The following GK5 variants were observed in gnomAD, a reference collection of about 807,000 sequenced individuals.
GK5 encodes the protein glycerol kinase 5, also known as ATP:glycerol 3-phosphotransferase 5.
Under a neutral mutation model 77.3 loss-of-function variants are expected in GK5, and 39 were observed. The ratio of observed to expected loss-of-function variants is 0.50; its 90% CI spans 0.39 to 0.66. The LOEUF is 0.66. Ranked by LOEUF, GK5 falls within the 30% of genes least tolerant of loss-of-function variation. The pLI, the probability that GK5 is intolerant of heterozygous loss-of-function variation, is 0.00. For synonymous variants in GK5, 211 were observed against 208.0 expected (o/e 1.01, Z -0.13); for missense variants, 487 against 633.8 (o/e 0.77, Z 2.49).
In GK5 at chr3:142,173,835, C is replaced by T. The variant is rs562426840; in HGVS notation, c.1144-1379G>A. Among the ~76,000 whole-genome samples, 3 of 152,306 alleles carry T rather than the reference C, an allele frequency of 2.0e-5. No homozygotes were observed. In the East Asian group the frequency reaches 5.8e-4, roughly 29 times the overall value. On this transcript the variant is annotated intron_variant, in intron 12 of 15. Transcript: ENST00000392993. The stretch of plus-strand genomic sequence containing the variant: ...ATGGTCATTTCAAGGACATCCAGCG[C>T]TGTCAGGAAATTATGATCCTCAGAA...
At chr3:142,218,229 CAAAA>C (rs769407213) in intron 1 of GK5, among the ~76,000 whole-genome samples, 1 of 80,404 alleles carries the variant, frequency 1.2e-5, no homozygotes, top group Non-Finnish European at 2.6e-5. Flanking sequence ...CATCCATATG[CAAAA>C]AAAAAAAAAA....
intron 5 of GK5, among the ~76,000 whole-genome samples, chr3:142,191,319 C>A (rs79229190): frequency 6.6e-6 from 1 of 151,664 alleles, no homozygotes. Flanking sequence ...TGAGCCACTG[C>A]GCCCGGCAAG....
At chr3:142,172,002 G>A (rs543306170) in intron 13 of GK5, among the ~76,000 whole-genome samples, 1 of 152,006 alleles carries the variant, frequency 6.6e-6, no homozygotes, top group South Asian at 2.1e-4. Context: ...CTCAATTTTG[G>A]GGTACAACAG....
At chr3:142,220,517 T>A (rs1371590841) in intron 1 of GK5, among the ~76,000 whole-genome samples, 1 of 152,192 alleles carries the variant, frequency 6.6e-6, no homozygotes, top group African/African-American at 2.4e-5. Flanking sequence ...CCTCACTGCC[T>A]GCTCAGATTA....
At chr3:142,205,794 G>C (rs1434636534) in intron 3 of GK5, among the ~76,000 whole-genome samples, 1 of 152,076 alleles carries the variant, frequency 6.6e-6, no homozygotes, top group African/African-American at 2.4e-5. Flanking sequence ...TATTTTACGT[G>C]TACAATTCAG....
At chr3:142,198,019 C>T (rs368181896) in intron 5 of GK5, among the ~76,000 whole-genome samples, 2 of 143,888 alleles carry the variant, frequency 1.4e-5, no homozygotes, top group Non-Finnish European at 3.0e-5. Flanking sequence ...GAGACTCTGT[C>T]TCAAAAAAAA....
In GK5 at chr3:142,182,957, A is replaced by C; in HGVS notation, c.909T>G (p.Ile303Met). Reference sequence around the variant, plus strand: ...TCTGTTGAAGGCTATTTCCAGTGTTAATATCCAAAAATGTCCCAGTTCCCA... The same window carrying C: ...TCTGTTGAAGGCTATTTCCAGTGTTCATATCCAAAAATGTCCCAGTTCCCA... Reference protein sequence around the residue: ...LTMGTGTFLDINTGNSLQQTT... With the variant: ...LTMGTGTFLDMNTGNSLQQTT... The change falls in exon 10 of 16, where the codon ATT (isoleucine) becomes ATG (methionine). Residue 303 changes from isoleucine (I) to methionine (M), a missense_variant. By Grantham distance (10) the Ile-to-Met change is conservative (BLOSUM62 1). This residue lies in a region of GK5 where 323 missense variants were observed against 437.4 expected (regional missense o/e 0.74). Transcript: ENST00000392993. 6.2e-7 allele frequency: 1 copy of C among 1,611,852 alleles called. No individual in the cohort carries two copies. The highest frequency in any genetic ancestry group is 8.5e-7 in the Non-Finnish European group (1 of 1,177,966).
At chr3:142,186,056 T>C in intron 8 of GK5, 67 bp from the exon 9 acceptor site, 1 of 1,369,818 alleles carries the variant, frequency 7.3e-7, no homozygotes, top group East Asian at 2.3e-5. Context: ...ACTCAGCAAA[T>C]TGTTTTTTTG....
chr3:142,180,848 T>C (rs915230296), intron 11 of GK5, among the ~76,000 whole-genome samples: 1 of 152,112 alleles, frequency 6.6e-6, no homozygotes, highest in Non-Finnish European at 1.5e-5. Flanking sequence ...TTATAAAGGT[T>C]TTTATGAACT....
At chr3:142,196,914 G>A (rs1039380861) in intron 5 of GK5, among the ~76,000 whole-genome samples, 6 of 152,160 alleles carry the variant, frequency 3.9e-5, no homozygotes, top group Admixed American at 2.0e-4. Context: ...AGGGTCAAGC[G>A]CGGTGGCTCT....
chr3:142,216,497 T>C (rs879553023), intron 1 of GK5, among the ~76,000 whole-genome samples: 22 of 152,190 alleles, frequency 1.4e-4, no homozygotes, highest in Admixed American at 3.3e-4. Flanking sequence ...TCCAATCAGA[T>C]GAGCGGTGAT....
chr3:142,208,895 A>G (rs2064149858), intron 3 of GK5, among the ~76,000 whole-genome samples: 1 of 152,234 alleles, frequency 6.6e-6, no homozygotes, highest in African/African-American at 2.4e-5. Flanking sequence ...CACGCCTGTA[A>G]TCCCAGCACT....
intron 9 of GK5, chr3:142,184,926 C>A (rs1208046597): frequency 1.0e-6 from 1 of 985,380 alleles, no homozygotes; most frequent in Non-Finnish European, 1.2e-6. Flanking sequence ...TTAATCTAAC[C>A]CTGCACCTAT....
chr3:142,190,996 T>G (rs574093402), intron 5 of GK5, among the ~76,000 whole-genome samples: 55 of 152,276 alleles, frequency 3.6e-4, no homozygotes, highest in South Asian at 2.1e-3. Context: ...TAAAGGTCAA[T>G]TCACAAAAAG....
At chr3:142,191,498 G>GT (rs541516793) in intron 5 of GK5, among the ~76,000 whole-genome samples, 1 of 151,904 alleles carries the variant, frequency 6.6e-6, no homozygotes, top group African/African-American at 2.4e-5. Flanking sequence ...GAGCTCAAGA[G>GT]TTTGAGGACA....
chr3:142,185,461 A>T (rs1293035115), intron 9 of GK5: 1 of 982,294 alleles, frequency 1.0e-6, no homozygotes, highest in African/African-American at 1.8e-5. Context: ...TTATTCTACA[A>T]ACTTATTTAC....
chr3:142,202,659 T>C (rs1288149589), intron 4 of GK5, among the ~76,000 whole-genome samples: 2 of 152,216 alleles, frequency 1.3e-5, no homozygotes, highest in African/African-American at 4.8e-5. Flanking sequence ...TTCTGCATTA[T>C]GATTGGAAAT....
chr3:142,184,040 C>T (rs1033359741), intron 9 of GK5, among the ~76,000 whole-genome samples: 1 of 151,286 alleles, frequency 6.6e-6, no homozygotes, highest in South Asian at 2.1e-4. Flanking sequence ...GGGCAAATCA[C>T]GAGGTCAGGA....
rs142475423 is a variant in GK5 at position 142,171,670 on chromosome 3, G to A, written c.1248-192C>T. On this transcript the variant is annotated intron_variant, in intron 13 of 15. Coordinates refer to ENST00000392993, the MANE Select transcript of GK5 (RefSeq NM_001039547.3). The stretch of plus-strand genomic sequence containing the variant: ...ACAGATACTCAAATAAGCAAGAAGC[G>A]CAGGTCCTTGTGTTTTTTTTGCCTT... 2.7e-3 allele frequency among the ~76,000 whole-genome samples: 411 copies of A among 152,124 alleles called. 2 individuals are homozygous for A. The highest frequency in any genetic ancestry group is 9.5e-3 in the African/African-American group (395 of 41,518).
Sources: gnomAD v4.1 joint callset for allele counts (sites outside exome capture counted in the v4.1 genomes callset) on GRCh38, gnomAD v4.1.1 for gene constraint, gnomAD v4.1.1 regional missense constraint, MANE v1.5 for transcripts, NCBI Gene and HGNC (gene_info 2026-07-23, HGNC 2026-07-21) for gene names.